Variants in PRMT9 observed in about 807,000 individuals in gnomAD.
The protein encoded by PRMT9 is protein arginine methyltransferase 9, also known as protein arginine N-methyltransferase 9.
A neutral mutation model predicts 83.2 loss-of-function variants in PRMT9; 59 were observed. The observed-to-expected ratio is 0.71, with a 90% CI of 0.57 to 0.88. The LOEUF is 0.88. Among genes scored for constraint, PRMT9 ranks in the 40% least tolerant of loss-of-function variants. The pLI is 0.00. For synonymous variants in PRMT9, 333 were observed against 353.2 expected, an observed-to-expected ratio of 0.94 and a Z score of 0.64; for missense variants, 947 against 1,021.9, an observed-to-expected ratio of 0.93 and a Z score of 1.00.
At chr4:147,652,703 C>A (rs1734192625) in intron 9 of PRMT9, among the ~76,000 whole-genome samples, 1 of 139,782 alleles carries the variant, frequency 7.2e-6, no homozygotes, top group Non-Finnish European at 1.5e-5. Context: ...TCTACCCTAC[C>A]CCGTGTCTAA....
chr4:147,645,066 T>C (rs1013699160), intron 9 of PRMT9, among the ~76,000 whole-genome samples: 2 of 152,186 alleles, frequency 1.3e-5, no homozygotes, highest in Non-Finnish European at 2.9e-5. Context: ...AATCCACTTA[T>C]AAAAATACAG....
At chr4:147,662,539 ACCTGT>A (rs1735038895) in intron 6 of PRMT9, among the ~76,000 whole-genome samples, 1 of 152,200 alleles carries the variant, frequency 6.6e-6, no homozygotes, top group Non-Finnish European at 1.5e-5. Flanking sequence ...GGTGGTTTAC[ACCTGT>A]AATCCCAGTA....
At chr4:147,657,414 A>G (rs997597634) in intron 8 of PRMT9, among the ~76,000 whole-genome samples, 1 of 151,930 alleles carries the variant, frequency 6.6e-6, no homozygotes, top group Non-Finnish European at 1.5e-5. Context: ...AGTCTCAGCT[A>G]CTCGGAAGGC....
chr4:147,641,286 A>C (rs2126567444), intron 10 of PRMT9, among the ~76,000 whole-genome samples: 1 of 152,264 alleles, frequency 6.6e-6, no homozygotes, highest in Non-Finnish European at 1.5e-5. Context: ...GAAGGTCAAC[A>C]TCTGGCCCCT....
chr4:147,642,140 T>G (rs1233955889), intron 10 of PRMT9, among the ~76,000 whole-genome samples: 1 of 152,234 alleles, frequency 6.6e-6, no homozygotes, highest in East Asian at 1.9e-4. Context: ...GGTTCAAGTT[T>G]AGAACATAGA....
intron 9 of PRMT9, among the ~76,000 whole-genome samples, chr4:147,649,518 T>G (rs75397439): frequency 6.6e-6 from 1 of 152,152 alleles, no homozygotes; most frequent in African/African-American, 2.4e-5. Flanking sequence ...TTTTTTTTTT[T>G]GAGATGGAGT....
In PRMT9 at chr4:147,658,487, T is replaced by C. The variant is rs764017422; in HGVS notation, c.1147-512A>G. On this transcript the variant is annotated intron_variant, in intron 7 of 11. Coordinates refer to ENST00000322396, the MANE Select transcript of PRMT9 (RefSeq NM_138364.4). The stretch of plus-strand genomic sequence containing the variant: ...AAAAGGAAGAAAAATACTAGGACTT[T>C]TTCCTTTCTATCCTGTATTGCTTGA... Among the ~76,000 whole-genome samples, 60 of 152,258 alleles carry C rather than the reference T, an allele frequency of 3.9e-4. 1 individual carries two copies. The highest frequency in any genetic ancestry group is 3.4e-3 in the Middle Eastern group (1 of 294).
chr4:147,659,549 C>T (rs1162618544), intron 7 of PRMT9, among the ~76,000 whole-genome samples: 1 of 150,588 alleles, frequency 6.6e-6, no homozygotes, highest in East Asian at 1.9e-4. Context: ...TTCTATGTAA[C>T]CTTTCCAATT....
chr4:147,669,545 T>C (rs2718455), intron 5 of PRMT9, among the ~76,000 whole-genome samples: 131,176 of 152,146 alleles, frequency 0.86, 58,761 homozygotes, highest in Non-Finnish European at 0.98. Context: ...GAAATCAGTA[T>C]CAATACCTAC....
Position 147,668,624 on chromosome 4 carries a change from A to G in PRMT9, c.868T>C (p.Cys290Arg). ...QPKTKGESANCEKYGKVIPAS... is the reference protein window; with the variant it reads ...QPKTKGESANREKYGKVIPAS... The stretch of plus-strand genomic sequence containing the variant: ...GGTATAACTTTCCCATACTTTTCAC[A>G]ATTAGCACTTTCACCTTTGGTCTAA... Residue 290 changes from cysteine (C) to arginine (R), a missense_variant, in exon 6 of 12, where the codon TGT becomes CGT. Coordinates refer to ENST00000322396, the MANE Select transcript of PRMT9 (RefSeq NM_138364.4). The G allele has an allele frequency of 6.2e-7, 1 of 1,609,888 alleles. No homozygotes were observed. Among genetic ancestry groups the G allele is most frequent in the Non-Finnish European group, 8.5e-7 (1 of 1,176,482 alleles).
intron 9 of PRMT9, among the ~76,000 whole-genome samples, chr4:147,644,560 A>AAG (rs397699420): frequency 1.3e-5 from 2 of 150,662 alleles, no homozygotes; most frequent in Non-Finnish European, 3.0e-5. Context: ...AAAAAAAAAA[A>AAG]GAATGCCTCT....
chr4:147,640,061 CTTTTTTTTTTTTT>C (rs1185905675), intron 10 of PRMT9, among the ~76,000 whole-genome samples: 9 of 35,096 alleles, frequency 2.6e-4, no homozygotes, highest in African/African-American at 8.3e-4. Context: ...CCACTCCTGT[CTTTTTTTTTTTTT>C]TTTTTTTTTT....
Position 147,660,832 on chromosome 4 carries a change from T to C in PRMT9, c.1146+14A>G. 6.3e-7 allele frequency: 1 copy of C among 1,578,670 alleles called. No homozygotes were observed. Among genetic ancestry groups the C allele is most frequent in the Non-Finnish European group, 8.7e-7 (1 of 1,147,878 alleles). ...AAATTTAATGCTTGAAAATAGTAAC[T>C]GAATTTTTTTCACCTGAAGGTTGTT... is the stretch of plus-strand genomic sequence containing the variant. On this transcript the variant is annotated intron_variant, in intron 7 of 11. Coordinates refer to ENST00000322396, the MANE Select transcript of PRMT9 (RefSeq NM_138364.4).
chr4:147,682,370 G>T (rs189418363), intron 1 of PRMT9, among the ~76,000 whole-genome samples: 269 of 152,262 alleles, frequency 1.8e-3, no homozygotes, highest in Admixed American at 4.8e-3. Context: ...GTAGAGACGG[G>T]GTTTCTCCAT....
chr4:147,638,716 GCAGT>G lies in PRMT9; in HGVS notation c.2350_2353del (p.Thr784LeufsTer32), dbSNP rs758203300. ...GTACATATGATACCAAAATGGAATA[GCAGT>G]CAGTCTTCCAGATTTACAAACGTAT... On this transcript the variant is annotated frameshift_variant, in exon 12 of 12. Coordinates refer to ENST00000322396, the MANE Select transcript of PRMT9 (RefSeq NM_138364.4). LOFTEE classifies it high-confidence loss of function. The G allele has an allele frequency of 6.2e-7, 1 of 1,613,114 alleles. No homozygotes were observed. The highest frequency in any genetic ancestry group is 8.5e-7 in the Non-Finnish European group (1 of 1,179,338).
chr4:147,676,721 T>C (rs188212274), intron 2 of PRMT9, among the ~76,000 whole-genome samples: 8 of 152,298 alleles, frequency 5.3e-5, no homozygotes, highest in Admixed American at 1.3e-4. Flanking sequence ...GGCAAAGTGT[T>C]TCTTATATAG....
At position 147,673,732 on chromosome 4, in the gene PRMT9, T is replaced by C; in HGVS notation, c.481A>G (p.Lys161Glu). 1 of 1,614,110 alleles carries C rather than the reference T, an allele frequency of 6.2e-7. No individual in the cohort carries two copies. The highest frequency in any genetic ancestry group is 1.1e-5 in the South Asian group (1 of 91,084). ...GCTGCATTATAAATTGTATTCCTCT[T>C]GGTGTCATTAAGCATGATAAAGTGC... is the stretch of plus-strand genomic sequence containing the variant. The part of the protein sequence containing the change: ...RWHFIMLNDT[K>E]RNTIYNAAIQ... The change falls in exon 3 of 12, where the codon AAG becomes GAG. Residue 161 changes from lysine (K) to glutamate (E), a missense_variant. Physicochemically the swap from Lys to Glu is moderately conservative, Grantham distance 56 (BLOSUM62 1). Coordinates refer to ENST00000322396, the MANE Select transcript of PRMT9 (RefSeq NM_138364.4).
chr4:147,677,252 A>C (rs2126637311), intron 2 of PRMT9, among the ~76,000 whole-genome samples: 1 of 152,040 alleles, frequency 6.6e-6, no homozygotes, highest in South Asian at 2.1e-4. Context: ...TGTTTTCACC[A>C]GTTTTTCCTA....
chr4:147,671,918 A>G (rs943071978), intron 4 of PRMT9: 3 of 454,806 alleles, frequency 6.6e-6, no homozygotes, highest in African/African-American at 6.0e-5. Flanking sequence ...GTGTAAAGAC[A>G]CAACAAGAAA....
Sources: allele counts gnomAD v4.1 joint callset (sites outside exome capture counted in the v4.1 genomes callset), GRCh38; gene constraint gnomAD v4.1.1; transcripts MANE v1.5; gene names NCBI Gene and HGNC (gene_info 2026-07-23, HGNC 2026-07-21).